PCDHA2: variants seen among roughly 807,000 people sequenced by gnomAD.
The protein encoded by PCDHA2 is protocadherin alpha-2.
A neutral mutation model predicts 66.0 loss-of-function variants in PCDHA2; 58 were observed. That is an observed-to-expected ratio of 0.88 (90% confidence interval 0.71 to 1.09). PCDHA2 has a LOEUF of 1.09. Among genes scored for constraint, PCDHA2 ranks in the 50% least tolerant of loss-of-function variants. PCDHA2 has a pLI of 0.00. For missense variants in PCDHA2, 1,267 were observed against 1,242.3 expected (o/e 1.02, Z -0.30); for synonymous variants, 634 against 554.0 (o/e 1.14, Z -2.03).
rs2042039547 is a variant in PCDHA2 at position 140,851,365 on chromosome 5, CT to C, written c.2388+54014del. The C allele has an allele frequency of 3.1e-6, 3 of 976,302 alleles. 1 individual carries two copies. Among genetic ancestry groups the C allele is most frequent in the Non-Finnish European group, 3.7e-6 (3 of 804,962 alleles). The allele number at this position is 976,302 out of a possible 1,614,324, so 60.5% of individuals were successfully genotyped here. On this transcript the variant is annotated intron_variant, in intron 1 of 3. Transcript: ENST00000526136. Reference sequence around the variant, plus strand: ...TTCTCTGGATGGAGACTGTGAACATCTGATTGTTCAGCAACCTTCAGTATCT... The same window carrying C: ...TTCTCTGGATGGAGACTGTGAACATCGATTGTTCAGCAACCTTCAGTATCT...
At chr5:140,869,878 A>G in intron 1 of PCDHA2, 1 of 1,610,122 alleles carries the variant, frequency 6.2e-7, no homozygotes, top group Non-Finnish European at 8.5e-7. Flanking sequence ...TGCTAAAGAA[A>G]CTCTTGTGCT....
At chr5:140,869,447 A>G in intron 1 of PCDHA2, 1 of 1,614,214 alleles carries the variant, frequency 6.2e-7, no homozygotes, top group Non-Finnish European at 8.5e-7. Flanking sequence ...AGGCCGCTGC[A>G]GGTTTTCCAT....
chr5:140,889,968 T>A (rs1373057542), intron 1 of PCDHA2, among the ~76,000 whole-genome samples: 2 of 152,170 alleles, frequency 1.3e-5, no homozygotes, highest in Non-Finnish European at 2.9e-5. Context: ...AAAATTACTA[T>A]CCAGTCTCCA....
At chr5:140,829,606 G>A (rs2150171112) in intron 1 of PCDHA2, 1 of 1,612,068 alleles carries the variant, frequency 6.2e-7, no homozygotes. Flanking sequence ...GCGCGTTGTC[G>A]AGCTACATTT....
At chr5:140,842,109 A>C (rs2150329529) in intron 1 of PCDHA2, 16 of 1,613,740 alleles carry the variant, frequency 9.9e-6, no homozygotes, top group Non-Finnish European at 1.4e-5. Context: ...ACAGTTATCA[A>C]ACTGAATGCT....
chr5:140,854,084 C>G (rs2150307258), intron 1 of PCDHA2: 2 of 266,726 alleles, frequency 7.5e-6, no homozygotes, highest in East Asian at 3.6e-4. Context: ...ATCGCTTGAG[C>G]CTGGGACATT....
chr5:140,809,749 C>G (rs1248056700), intron 1 of PCDHA2: 1 of 653,570 alleles, frequency 1.5e-6, no homozygotes, highest in Non-Finnish European at 2.5e-6. Flanking sequence ...ATATTGCCTT[C>G]CTTCATTTTA....
At chr5:140,846,138 T>C (rs1780216655) in intron 1 of PCDHA2, among the ~76,000 whole-genome samples, 1 of 149,702 alleles carries the variant, frequency 6.7e-6, no homozygotes, top group Non-Finnish European at 1.5e-5. Flanking sequence ...ATGTTTCCCA[T>C]ATTTAAAAGT....
intron 1 of PCDHA2, among the ~76,000 whole-genome samples, chr5:140,908,870 T>C (rs1221082339): frequency 6.6e-6 from 1 of 152,136 alleles, no homozygotes; most frequent in Non-Finnish European, 1.5e-5. Flanking sequence ...ATGTGTTGCC[T>C]CCAAAATCCA....
At chr5:140,970,121 G>C (rs1230320134) in intron 1 of PCDHA2, among the ~76,000 whole-genome samples, 1 of 152,184 alleles carries the variant, frequency 6.6e-6, no homozygotes, top group Non-Finnish European at 1.5e-5. Flanking sequence ...GCTGGGATTA[G>C]AAGGAAGAGA....
At chr5:140,961,548 TTC>T (rs1261051270) in intron 1 of PCDHA2, among the ~76,000 whole-genome samples, 4 of 152,230 alleles carry the variant, frequency 2.6e-5, no homozygotes, top group African/African-American at 9.6e-5. Context: ...CCTGCAGCAT[TTC>T]TTTTTTTAAA....
chr5:140,927,293 C>T (rs782386645), intron 1 of PCDHA2: 5 of 1,614,176 alleles, frequency 3.1e-6, no homozygotes, highest in Non-Finnish European at 3.4e-6. Flanking sequence ...CTGCACATCC[C>T]CGAGTTCCTG....
At chr5:140,802,700 G>A in intron 1 of PCDHA2, 2 of 1,612,564 alleles carry the variant, frequency 1.2e-6, no homozygotes, top group Admixed American at 3.3e-5. Context: ...GGGTGGGGGA[G>A]CGCGCGCTGT....
intron 1 of PCDHA2, among the ~76,000 whole-genome samples, chr5:140,941,214 C>CCTTTCTTTCTTCCTTTCTTTCTTT (rs2092876516): frequency 2.3e-4 from 28 of 122,490 alleles, no homozygotes; most frequent in Middle Eastern, 4.2e-3. Context: ...TTTCTTTCTT[C>CCTTTCTTTCTTCCTTTCTTTCTTT]CTTTCTTTCT....
chr5:140,968,114 A>G, intron 1 of PCDHA2: 1 of 1,614,164 alleles, frequency 6.2e-7, no homozygotes, highest in Non-Finnish European at 8.5e-7. Context: ...ACCGCAGCTC[A>G]CATCCCTGCG....
chr5:140,835,777 A>G (rs2150244519), intron 1 of PCDHA2: 1 of 1,613,276 alleles, frequency 6.2e-7, no homozygotes, highest in Admixed American at 1.7e-5. Context: ...GTGTTCGTGA[A>G]GGAGAACAAC....
intron 3 of PCDHA2, among the ~76,000 whole-genome samples, chr5:140,997,106 C>T (rs2153943751): frequency 6.6e-6 from 1 of 152,162 alleles, no homozygotes; most frequent in South Asian, 2.1e-4. Context: ...CTCATGCACT[C>T]CTGCTCTCCC....
At chr5:140,937,507 C>G (rs1427417860) in intron 1 of PCDHA2, among the ~76,000 whole-genome samples, 1 of 152,106 alleles carries the variant, frequency 6.6e-6, no homozygotes, top group Non-Finnish European at 1.5e-5. Context: ...ATCCCAGCTA[C>G]TCAGGAGGCT....
rs782552456 is a variant in PCDHA2, at chr5:140,870,511, G to T, written c.2388+73159G>T. On this transcript the variant is annotated intron_variant, in intron 1 of 3. Transcript: ENST00000526136. ...GTTCGTGAAGGAGAACAACCCACCA[G>T]GCTGCCACATCTTCACAGTGTCGGC... 9.9e-6 allele frequency: 16 copies of T among 1,614,242 alleles called. No homozygotes were observed. The highest frequency in any genetic ancestry group is 1.3e-5 in the Non-Finnish European group (15 of 1,180,048).
Sources: allele counts gnomAD v4.1 joint callset (sites outside exome capture counted in the v4.1 genomes callset), GRCh38; gene constraint gnomAD v4.1.1; transcripts MANE v1.5; gene names NCBI Gene and HGNC (gene_info 2026-07-23, HGNC 2026-07-21).